The following TENM4 variants were observed in gnomAD, a reference collection of about 807,000 sequenced individuals.
The protein encoded by TENM4 is teneurin transmembrane protein 4.
A neutral mutation model predicts 243.3 loss-of-function variants in TENM4; 82 were observed. The observed-to-expected ratio is 0.34, with a 90% CI of 0.28 to 0.40. TENM4 has a LOEUF of 0.40. TENM4 is among the 10% of genes least tolerant of loss of function. The pLI, the probability that TENM4 is intolerant of heterozygous loss-of-function variation, is 1.00. For missense variants in TENM4, 3,138 were observed against 3,673.3 expected, an observed-to-expected ratio of 0.85 and a Z score of 3.77; for synonymous variants, 1,412 against 1,456.3, an observed-to-expected ratio of 0.97 and a Z score of 0.69.
intron 2 of TENM4, among the ~76,000 whole-genome samples, chr11:79,249,312 T>A (rs1376663240): frequency 2.6e-5 from 4 of 152,198 alleles, no homozygotes; most frequent in Admixed American, 6.5e-5. Flanking sequence ...ACAGAGCTAG[T>A]AAGCACAAAA....
At chr11:79,169,854 G>A (rs867683132) in intron 3 of TENM4, among the ~76,000 whole-genome samples, 1 of 152,212 alleles carries the variant, frequency 6.6e-6, no homozygotes, top group Non-Finnish European at 1.5e-5. Flanking sequence ...AACTTAACTT[G>A]TGTTTCCTTT....
At chr11:79,337,696 C>A (rs143907278) in intron 1 of TENM4, among the ~76,000 whole-genome samples, 1 of 152,152 alleles carries the variant, frequency 6.6e-6, no homozygotes, top group Non-Finnish European at 1.5e-5. Context: ...TTTCTAGCAA[C>A]TTCCATTTTT....
chr11:78,926,268 G>T (rs886797744), intron 6 of TENM4, among the ~76,000 whole-genome samples: 3 of 145,936 alleles, frequency 2.1e-5, no homozygotes, highest in African/African-American at 7.6e-5. Context: ...ATGGGGCAAA[G>T]AACTGACTTT....
chr11:79,177,753 G>A (rs991607448), intron 3 of TENM4, among the ~76,000 whole-genome samples: 13 of 152,172 alleles, frequency 8.5e-5, no homozygotes, highest in African/African-American at 2.9e-4. Context: ...AAGGGTGCCT[G>A]GCACGTAGGA....
Position 78,786,963 on chromosome 11 carries a change from T to C in TENM4, c.2300A>G (p.His767Arg), listed in dbSNP as rs1856950017. ...GCACTTGCCGTCGCGGCAGGTCCCA[T>C]GCTCGGCACAGCGCGGGTGGCAGGC... is the stretch of plus-strand genomic sequence containing the variant. Reference protein sequence around the residue: ...QRACHPRCAEHGTCRDGKCEC... With the variant: ...QRACHPRCAERGTCRDGKCEC... The change falls in exon 16 of 34, where the codon CAT becomes CGT. Residue 767 changes from histidine (H) to arginine (R), a missense_variant. This residue lies in a region of TENM4 where 2,467 missense variants were observed against 3,059.1 expected (regional missense o/e 0.81). Coordinates refer to ENST00000278550, the MANE Select transcript of TENM4 (RefSeq NM_001098816.3). The C allele has an allele frequency of 6.3e-7, 1 of 1,599,318 alleles. No individual in the cohort carries two copies. The highest frequency in any genetic ancestry group is 1.1e-5 in the South Asian group (1 of 88,148).
intron 3 of TENM4, among the ~76,000 whole-genome samples, chr11:79,168,004 CAAGGATGGAAA>C (rs1862954785): frequency 1.3e-5 from 2 of 152,330 alleles, no homozygotes; most frequent in Middle Eastern, 3.4e-3. Flanking sequence ...TAGACAGTGC[CAAGGATGGAAA>C]AAGCATCAGC....
chr11:78,904,358 T>TAAAAAAAAAAAAAA (rs1856013848), intron 6 of TENM4, among the ~76,000 whole-genome samples: 1 of 50,570 alleles, frequency 2.0e-5, no homozygotes. Context: ...AGACTCTGTC[T>TAAAAAAAAAAAAAA]CAAAAAAAAA....
chr11:78,697,063 G>A (rs867485322), intron 28 of TENM4, among the ~76,000 whole-genome samples: 2 of 152,052 alleles, frequency 1.3e-5, no homozygotes, highest in Non-Finnish European at 2.9e-5. Context: ...CCCCCAGGTC[G>A]ACCACAAAGG....
At chr11:79,162,965 C>A (rs1862784960) in intron 3 of TENM4, among the ~76,000 whole-genome samples, 1 of 152,246 alleles carries the variant, frequency 6.6e-6, no homozygotes, top group African/African-American at 2.4e-5. Flanking sequence ...TTTCTGCAGG[C>A]CCAAGGTGCG....
chr11:78,708,594 G>A, intron 26 of TENM4, 79 bp from the exon 27 acceptor site: 2 of 1,497,434 alleles, frequency 1.3e-6, no homozygotes, highest in South Asian at 1.3e-5. Flanking sequence ...CTTGCTAACT[G>A]ACAGAGCACC....
At chr11:79,132,352 A>AAAAAAAAAAAAAAAAAAAAAAAAAG (rs1862024437) in intron 4 of TENM4, among the ~76,000 whole-genome samples, 1 of 149,342 alleles carries the variant, frequency 6.7e-6, no homozygotes, top group Non-Finnish European at 1.5e-5. Context: ...ACTCAAAAAA[A>AAAAAAAAAAAAAAAAAAAAAAAAAG]AAAAAAAAAA....
chr11:79,269,928 T>C (rs1855940844), intron 2 of TENM4, among the ~76,000 whole-genome samples: 1 of 152,180 alleles, frequency 6.6e-6, no homozygotes, highest in Non-Finnish European at 1.5e-5. Context: ...GGGCTTTCTC[T>C]TCACCCTCTG....
chr11:78,813,060 A>C (rs868697955), intron 13 of TENM4, among the ~76,000 whole-genome samples: 1 of 152,204 alleles, frequency 6.6e-6, no homozygotes, highest in Admixed American at 6.5e-5. Context: ...GGAATGACTC[A>C]TCTCTCTCTG....
chr11:79,176,132 GATGTGCTA>G (rs1399247601), intron 3 of TENM4, among the ~76,000 whole-genome samples: 1 of 152,160 alleles, frequency 6.6e-6, no homozygotes, highest in Non-Finnish European at 1.5e-5. Context: ...AAGTTTTAGA[GATGTGCTA>G]CTCAGATGTT....
intron 10 of TENM4, among the ~76,000 whole-genome samples, chr11:78,859,355 C>A (rs1858759545): frequency 1.3e-5 from 2 of 152,206 alleles, no homozygotes; most frequent in South Asian, 4.1e-4. Flanking sequence ...GCTTAGGTCA[C>A]AATTAGGGCT....
intron 16 of TENM4, among the ~76,000 whole-genome samples, chr11:78,785,628 T>C (rs1472375348): frequency 6.6e-6 from 1 of 152,170 alleles, no homozygotes; most frequent in Non-Finnish European, 1.5e-5. Context: ...AAGTTCTTAG[T>C]GCAGCTCTCG....
At chr11:79,354,851 A>G (rs1046761444) in intron 1 of TENM4, among the ~76,000 whole-genome samples, 2 of 152,236 alleles carry the variant, frequency 1.3e-5, no homozygotes, top group African/African-American at 4.8e-5. Flanking sequence ...AGTCTATCCT[A>G]AAGATAAGCT....
chr11:79,388,826 G>A (rs1294082109), intron 1 of TENM4, among the ~76,000 whole-genome samples: 3 of 152,218 alleles, frequency 2.0e-5, no homozygotes, highest in Admixed American at 1.3e-4. Context: ...CAAAACTGGA[G>A]AGGAGAGGGC....
At chr11:78,707,423 C>A (rs1037146987) in intron 27 of TENM4, among the ~76,000 whole-genome samples, 1 of 152,232 alleles carries the variant, frequency 6.6e-6, no homozygotes, top group Non-Finnish European at 1.5e-5. Flanking sequence ...TCCTGGTATC[C>A]ACCTGCAAAT....
Sources: gnomAD v4.1 joint callset for allele counts (sites outside exome capture counted in the v4.1 genomes callset) on GRCh38, gnomAD v4.1.1 for gene constraint, gnomAD v4.1.1 regional missense constraint, MANE v1.5 for transcripts, NCBI Gene and HGNC (gene_info 2026-07-23, HGNC 2026-07-21) for gene names.